Variants in KCNT2 observed in about 807,000 individuals in gnomAD.
The protein encoded by KCNT2 is potassium channel subfamily T member 2.
A neutral mutation model predicts 153.8 loss-of-function variants in KCNT2; 67 were observed. The observed-to-expected ratio is 0.44, with a 90% CI of 0.36 to 0.53. The LOEUF (loss-of-function observed/expected upper bound fraction) is 0.53. Ranked by LOEUF, KCNT2 falls within the 20% of genes least tolerant of loss-of-function variation. The probability of loss-of-function intolerance (pLI) is 0.00; values close to 1 mark genes in which losing one functional copy is unlikely to be tolerated. For synonymous variants in KCNT2, 500 were observed against 458.8 expected, an observed-to-expected ratio of 1.09 and a Z score of -1.15; for missense variants, 975 against 1,354.8, an observed-to-expected ratio of 0.72 and a Z score of 4.40.
chr1:196,238,753 C>G (rs574836089), intron 26 of KCNT2, among the ~76,000 whole-genome samples: 2 of 151,840 alleles, frequency 1.3e-5, no homozygotes, highest in African/African-American at 2.4e-5. Flanking sequence ...ATGGGCGCAG[C>G]AAACCAACAC....
chr1:196,418,554 A>T (rs1052369884), intron 12 of KCNT2, among the ~76,000 whole-genome samples: 30 of 152,064 alleles, frequency 2.0e-4, no homozygotes, highest in Non-Finnish European at 3.5e-4. Context: ...TGGCAACTGG[A>T]ATTTCTAGGA....
intron 8 of KCNT2, among the ~76,000 whole-genome samples, chr1:196,459,954 C>T (rs932007952): frequency 2.6e-5 from 4 of 151,708 alleles, no homozygotes; most frequent in African/African-American, 9.7e-5. Flanking sequence ...TCAATAAAGC[C>T]TTCTTTTCTC....
chr1:196,320,358 A>G (rs1663168649), intron 19 of KCNT2, among the ~76,000 whole-genome samples: 1 of 151,898 alleles, frequency 6.6e-6, no homozygotes, highest in African/African-American at 2.4e-5. Flanking sequence ...TATATGCAAA[A>G]GAATATCCTG....
At chr1:196,497,842 C>T (rs1478920354) in intron 1 of KCNT2, among the ~76,000 whole-genome samples, 2 of 152,094 alleles carry the variant, frequency 1.3e-5, no homozygotes, top group Non-Finnish European at 2.9e-5. Flanking sequence ...GTAAACTATT[C>T]AGGTAATTTA....
chr1:196,366,588 A>G (rs746238596), intron 14 of KCNT2, among the ~76,000 whole-genome samples: 6 of 152,162 alleles, frequency 3.9e-5, no homozygotes, highest in Non-Finnish European at 8.8e-5. Flanking sequence ...TGCTCAGGTC[A>G]TTGTAAATAC....
intron 3 of KCNT2, among the ~76,000 whole-genome samples, 174 bp downstream of exon 3, chr1:196,489,664 A>G (rs1679709311): frequency 6.6e-6 from 1 of 152,052 alleles, no homozygotes; most frequent in African/African-American, 2.4e-5. Context: ...AAAGATACTT[A>G]CAAAGAACCT....
At position 196,257,962 on chromosome 1, in the gene KCNT2, T is replaced by A. The variant is rs571547593; in HGVS notation, c.3211+232A>T. 38 of 1,166,440 alleles carry A rather than the reference T, an allele frequency of 3.3e-5. No individual in the cohort carries two copies. The African/African-American group carries it at 5.8e-4, about 18-fold the overall frequency. The allele number at this position is 1,166,440 out of a possible 1,614,324, so 72.3% of individuals were successfully genotyped here. A position where few individuals can be genotyped will look rare whatever the true frequency, so the allele number is the denominator to read the frequency against. On this transcript the variant is annotated intron_variant, in intron 26 of 27. Coordinates refer to ENST00000294725, the MANE Select transcript of KCNT2 (RefSeq NM_198503.5). Reference sequence around the variant, plus strand: ...TGAAAATTAAAATTAAGATAATTCATGTAATGGGTTTAGCACAGTACCTAG... The same window carrying A: ...TGAAAATTAAAATTAAGATAATTCAAGTAATGGGTTTAGCACAGTACCTAG...
intron 19 of KCNT2, among the ~76,000 whole-genome samples, chr1:196,325,526 A>G (rs1663759452): frequency 2.6e-5 from 4 of 152,124 alleles, no homozygotes; most frequent in South Asian, 2.1e-4. Flanking sequence ...AATTAAGATT[A>G]TATTTGAAAG....
chr1:196,563,479 A>AGC (rs1156336880), intron 1 of KCNT2, among the ~76,000 whole-genome samples: 1 of 4,862 alleles, frequency 2.1e-4, no homozygotes, highest in Admixed American at 5.2e-3. Flanking sequence ...AAACTTTTCA[A>AGC]ACTTCCAAAA....
At chr1:196,244,035 C>T (rs899178260) in intron 26 of KCNT2, among the ~76,000 whole-genome samples, 2 of 151,964 alleles carry the variant, frequency 1.3e-5, no homozygotes, top group Non-Finnish European at 2.9e-5. Context: ...GGCAAAGTCC[C>T]GAGGTCCACA....
intron 26 of KCNT2, among the ~76,000 whole-genome samples, chr1:196,239,567 T>C (rs1654762002): frequency 6.6e-6 from 1 of 152,010 alleles, no homozygotes; most frequent in Non-Finnish European, 1.5e-5. Context: ...AATAATTGAT[T>C]AATGAGTCCT....
At chr1:196,349,863 C>T (rs914225295) in intron 14 of KCNT2, among the ~76,000 whole-genome samples, 2 of 152,018 alleles carry the variant, frequency 1.3e-5, no homozygotes, top group African/African-American at 4.8e-5. Flanking sequence ...CCCCCTTCCC[C>T]CAGCCCACAA....
chr1:196,380,403 A>T lies in KCNT2; in HGVS notation c.1295-7155T>A, dbSNP rs186118133. The stretch of plus-strand genomic sequence containing the variant: ...AGTCCCTTTTACTTTATGAAAAATA[A>T]AATTGATAGTTACTTTAAAACAAGT... On this transcript the variant is annotated intron_variant, in intron 13 of 27. Coordinates refer to ENST00000294725, the MANE Select transcript of KCNT2 (RefSeq NM_198503.5). Among the ~76,000 whole-genome samples, 56 of 152,328 alleles carry T rather than the reference A, an allele frequency of 3.7e-4. No individual in the cohort carries two copies. The East Asian group carries it at 9.8e-3, about 27-fold the overall frequency.
intron 25 of KCNT2, among the ~76,000 whole-genome samples, chr1:196,268,214 G>A (rs1657729501): frequency 6.6e-6 from 1 of 152,066 alleles, no homozygotes; most frequent in Admixed American, 6.6e-5. Flanking sequence ...CTAATCCAAG[G>A]TTGCCCTCCA....
intron 22 of KCNT2, among the ~76,000 whole-genome samples, chr1:196,291,411 T>C (rs1252637824): frequency 6.6e-6 from 1 of 152,004 alleles, no homozygotes; most frequent in Non-Finnish European, 1.5e-5. Flanking sequence ...AAAAGTAAGA[T>C]TCCAAGCATC....
intron 14 of KCNT2, among the ~76,000 whole-genome samples, chr1:196,351,051 C>A (rs1666639788): frequency 6.6e-6 from 1 of 152,228 alleles, no homozygotes; most frequent in East Asian, 1.9e-4. Context: ...CTGTTCTGTT[C>A]CACTGATCTA....
rs1331869101 is a variant in KCNT2, at chr1:196,226,164, A to G, written c.*2060T>C. 1 of 152,054 alleles carries G rather than the reference A, an allele frequency of 6.6e-6. No homozygotes were observed. Among genetic ancestry groups the G allele is most frequent in the Non-Finnish European group, 1.5e-5 (1 of 67,924 alleles). 9.4% of individuals were successfully genotyped at this position (152,054 alleles called of 1,614,324 possible). A position where few individuals can be genotyped will look rare whatever the true frequency, so the allele number is the denominator to read the frequency against. On this transcript the variant is annotated 3_prime_UTR_variant, in exon 28 of 28. Coordinates refer to ENST00000294725, the MANE Select transcript of KCNT2 (RefSeq NM_198503.5). ...CCTAGCTTAAAATCCTAGTCTCAAC[A>G]ACTGTCATAATGCAAAAATACCAAA...
chr1:196,237,818 A>G (rs890441887), intron 26 of KCNT2, among the ~76,000 whole-genome samples: 4 of 151,850 alleles, frequency 2.6e-5, no homozygotes, highest in Non-Finnish European at 5.9e-5. Flanking sequence ...TAGAATTCCA[A>G]TGAATATATA....
chr1:196,540,616 A>T (rs1203330620), intron 1 of KCNT2, among the ~76,000 whole-genome samples: 1 of 152,226 alleles, frequency 6.6e-6, no homozygotes, highest in African/African-American at 2.4e-5. Flanking sequence ...AAGTGAAAGT[A>T]GCATAATGTG....
Sources: allele counts gnomAD v4.1 joint callset (sites outside exome capture counted in the v4.1 genomes callset), GRCh38; gene constraint gnomAD v4.1.1; transcripts MANE v1.5; gene names NCBI Gene and HGNC (gene_info 2026-07-23, HGNC 2026-07-21).